The following NUTM1 variants were observed in gnomAD, a reference collection of about 807,000 sequenced individuals.
NUTM1 encodes the protein NUT family member 1.
NUTM1 carries 39 observed loss-of-function variants against 88.7 expected under a neutral mutation model. The observed-to-expected ratio is 0.44, with a 90% CI of 0.34 to 0.57. NUTM1 has a LOEUF of 0.57. Among genes scored for constraint, NUTM1 ranks in the 20% least tolerant of loss-of-function variants. The pLI is 0.01. For synonymous variants in NUTM1, 494 were observed against 538.0 expected (o/e 0.92, Z 1.13); for missense variants, 1,350 against 1,414.5 (o/e 0.95, Z 0.73).
chr15:34,356,416 C>T lies in NUTM1; in HGVS notation c.2408C>T (p.Thr803Ile), dbSNP rs1173064377. The T allele has an allele frequency of 6.2e-7, 1 of 1,610,964 alleles. No homozygotes were observed. Among genetic ancestry groups the T allele is most frequent in the East Asian group, 2.2e-5 (1 of 44,800 alleles). Reference protein sequence around the residue: ...RGNISLGPGETLVPGDTESSV... With the variant: ...RGNISLGPGEILVPGDTESSV... Reference sequence around the variant, plus strand: ...AACATTTCCCTGGGTCCTGGAGAAACCCTAGTACCTGGGGATACGGAGAGC... The same window carrying T: ...AACATTTCCCTGGGTCCTGGAGAAATCCTAGTACCTGGGGATACGGAGAGC... The change falls in exon 8 of 8, where the codon ACC becomes ATC. Residue 803 changes from threonine (T) to isoleucine (I), a missense_variant. Transcript: ENST00000537011.
chr15:34,355,942 C>T lies in NUTM1; in HGVS notation c.1934C>T (p.Ser645Leu), dbSNP rs540031927. ...PGHCLVADRT[S>L]EALPLCWQGG... ...CACTGCCTGGTGGCTGATAGGACTT[C>T]AGAGGCTCTGCCCCTTTGTTGGCAG... is the stretch of plus-strand genomic sequence containing the variant. The change falls in exon 8 of 8, where the codon TCA (serine) becomes TTA (leucine). Residue 645 changes from serine (S) to leucine (L), a missense_variant. Transcript: ENST00000537011. The surrounding 1 kb of genome is among the most constrained non-coding windows in gnomAD (Gnocchi z 4.3). 19 of 1,614,130 alleles carry T rather than the reference C, an allele frequency of 1.2e-5. No homozygotes were observed. The East Asian group carries it at 4.2e-4, about 36-fold the overall frequency.
rs1890775336 is a variant in NUTM1, at chr15:34,355,009, T to A, written c.1363-12T>A. Reference sequence around the variant, plus strand: ...CTTACAGACTTACATCGCTTTTCCTTCTGTTATCCAGGTGGAGGCTGTCAT... The same window carrying A: ...CTTACAGACTTACATCGCTTTTCCTACTGTTATCCAGGTGGAGGCTGTCAT... On this transcript the variant is annotated splice_polypyrimidine_tract_variant and intron_variant, in intron 6 of 7. Transcript: ENST00000537011. The surrounding 1 kb of genome is among the most constrained non-coding windows in gnomAD (Gnocchi z 4.3). 6.3e-7 allele frequency: 1 copy of A among 1,593,546 alleles called. No individual in the cohort carries two copies. Among genetic ancestry groups the A allele is most frequent in the Admixed American group, 1.7e-5 (1 of 59,882 alleles).
In NUTM1 at chr15:34,348,625, C is replaced by G. The variant is rs138533937; in HGVS notation, c.757C>G (p.Arg253Gly). The change falls in exon 3 of 8, where the codon CGG becomes GGG. Residue 253 changes from arginine to glycine, a missense_variant. By Grantham distance (125) the Arg-to-Gly change is moderately radical. Coordinates refer to ENST00000537011, the MANE Select transcript of NUTM1 (RefSeq NM_001284292.2). ...GTGGCAGCGTTACAAAGCCTTGGCCCGGAGGCACCTATCCCAGAGTCCTGA... is the reference window on the plus strand; with the variant it reads ...GTGGCAGCGTTACAAAGCCTTGGCCGGGAGGCACCTATCCCAGAGTCCTGA... ...RQWQRYKALA[R>G]RHLSQSPDTE... 1.2e-6 allele frequency: 2 copies of G among 1,609,730 alleles called. No individual in the cohort carries two copies. Among genetic ancestry groups the G allele is most frequent in the South Asian group, 1.1e-5 (1 of 91,084 alleles).
In NUTM1 at chr15:34,356,466, G is replaced by A. The variant is rs776476142; in HGVS notation, c.2458G>A (p.Val820Ile). The A allele has an allele frequency of 3.7e-6, 6 of 1,612,926 alleles. No individual in the cohort carries two copies. The highest frequency in any genetic ancestry group is 2.5e-6 in the Non-Finnish European group (3 of 1,179,376). Residue 820 changes from valine (V) to isoleucine (I), a missense_variant, in exon 8 of 8, where the codon GTT (valine) becomes ATT (isoleucine). Val to Ile is a conservative substitution (Grantham distance 29). This residue lies in a region of NUTM1 where 730 missense variants were observed against 728.8 expected (regional missense o/e 1.00). Coordinates refer to ENST00000537011, the MANE Select transcript of NUTM1 (RefSeq NM_001284292.2). ...CAGTGTGATTCCCTGTGGAGGCACA[G>A]TTGCGGCAGCTGCCCTAGAAAAGAG... ...ESSVIPCGGT[V>I]AAAALEKRNY...
rs781299483 is a variant in NUTM1 at position 34,348,430 on chromosome 15, C to T, written c.562C>T (p.Pro188Ser). 18 of 1,614,164 alleles carry T rather than the reference C, an allele frequency of 1.1e-5. No individual in the cohort carries two copies. Among genetic ancestry groups the T allele is most frequent in the Non-Finnish European group, 1.5e-5 (18 of 1,179,986 alleles). The change falls in exon 3 of 8, where the codon CCT (proline) becomes TCT (serine). Residue 188 changes from proline to serine, a missense_variant. Transcript: ENST00000537011. The stretch of plus-strand genomic sequence containing the variant: ...CCAGGAGGGTCCTCCAGGCCTTCCG[C>T]CTCAGCCTCCACCACCAGTTGCTCA... ...VSQEGPPGLPPQPPPPVAQLV... is the reference protein window; with the variant it reads ...VSQEGPPGLPSQPPPPVAQLV...
rs748753641 is a variant in NUTM1 at position 34,355,688 on chromosome 15, G to A, written c.1680G>A (p.Arg560=). ...GAAAGGTTTCTTCTTCAGGAAAACG[G>A]GCAAGAGAAGTGCATGGTGGGCAGG... ...CLGKVSSSGK[R]AREVHGGQEQ... Residue 560 remains arginine, a synonymous_variant, in exon 8 of 8, where the codon CGG becomes CGA. Transcript: ENST00000537011. The surrounding 1 kb of genome is among the most constrained non-coding windows in gnomAD (Gnocchi z 4.3). 4 of 1,609,370 alleles carry A rather than the reference G, an allele frequency of 2.5e-6. No individual in the cohort carries two copies. The Admixed American group carries it at 5.1e-5, about 20-fold the overall frequency.
At chr15:34,349,705 C>G (rs1007671643) in intron 3 of NUTM1, among the ~76,000 whole-genome samples, 1 of 152,204 alleles carries the variant, frequency 6.6e-6, no homozygotes, top group Non-Finnish European at 1.5e-5. Flanking sequence ...CTTCCAGTGG[C>G]TGAACTCCTA....
At chr15:34,353,963 C>A in intron 5 of NUTM1, 91 bp downstream of exon 5, 1 of 1,377,252 alleles carries the variant, frequency 7.3e-7, no homozygotes, top group Non-Finnish European at 1.0e-6. Context: ...AGGCATAGCC[C>A]AGGCTCTGCC....
chr15:34,352,063 A>C (rs573374294), intron 4 of NUTM1, among the ~76,000 whole-genome samples: 2 of 152,194 alleles, frequency 1.3e-5, no homozygotes, highest in Non-Finnish European at 2.9e-5. Flanking sequence ...CCAGCTACTC[A>C]GGAGGCTGAG....
rs747898827 is a variant in NUTM1, at chr15:34,353,875, G to T, written c.1075+3G>T. 6.2e-7 allele frequency: 1 copy of T among 1,613,148 alleles called. No homozygotes were observed. Among genetic ancestry groups the T allele is most frequent in the Non-Finnish European group, 8.5e-7 (1 of 1,179,988 alleles). On this transcript the variant is annotated splice_donor_region_variant and intron_variant, in intron 5 of 7. Coordinates refer to ENST00000537011, the MANE Select transcript of NUTM1 (RefSeq NM_001284292.2). Reference sequence around the variant, plus strand: ...CTCTGAGGTTTGCCAGCAGCCAGGTGAGGCTACCCAATTTTGACAGGAGCC... The same window carrying T: ...CTCTGAGGTTTGCCAGCAGCCAGGTTAGGCTACCCAATTTTGACAGGAGCC...
Position 34,355,627 on chromosome 15 carries a change from C to A in NUTM1, c.1619C>A (p.Pro540His), listed in dbSNP as rs759359911. 1 of 1,612,606 alleles carries A rather than the reference C, an allele frequency of 6.2e-7. No individual in the cohort carries two copies. The highest frequency in any genetic ancestry group is 1.1e-5 in the South Asian group (1 of 90,956). ...EDGDGRLRPS[P>H]GLQGAGGAAC... ...GGGGATGGGCGGCTTCGGCCCTCAC[C>A]TGGGCTTCAGGGGGCTGGGGGCGCC... The change falls in exon 8 of 8, where the codon CCT (proline) becomes CAT (histidine). Residue 540 changes from proline to histidine, a missense_variant. Transcript: ENST00000537011. The surrounding 1 kb of genome is among the most constrained non-coding windows in gnomAD (Gnocchi z 4.3).
At position 34,355,909 on chromosome 15, in the gene NUTM1, C is replaced by T; in HGVS notation, c.1901C>T (p.Pro634Leu). 1.2e-6 allele frequency: 2 copies of T among 1,613,952 alleles called. No homozygotes were observed. Among genetic ancestry groups the T allele is most frequent in the East Asian group, 2.2e-5 (1 of 44,870 alleles). Residue 634 changes from proline to leucine, a missense_variant, in exon 8 of 8, where the codon CCT becomes CTT. Transcript: ENST00000537011. The surrounding 1 kb of genome is among the most constrained non-coding windows in gnomAD (Gnocchi z 4.3). ...GATGGCCATCTAGGAGGCGCTGGGC[C>T]TCCTGGGCACTGCCTGGTGGCTGAT... Reference protein sequence around the residue: ...HQDGHLGGAGPPGHCLVADRT... With the variant: ...HQDGHLGGAGLPGHCLVADRT...
chr15:34,348,526 G>T lies in NUTM1; in HGVS notation c.658G>T (p.Val220Leu). 1 of 1,614,152 alleles carries T rather than the reference G, an allele frequency of 6.2e-7. No homozygotes were observed. The highest frequency in any genetic ancestry group is 8.5e-7 in the Non-Finnish European group (1 of 1,180,020). Residue 220 changes from valine to leucine, a missense_variant, in exon 3 of 8, where the codon GTG (valine) becomes TTG (leucine). Physicochemically the swap from Val to Leu is conservative, Grantham distance 32 (BLOSUM62 1). Transcript: ENST00000537011. ...TGGGACAACCGGGGAAGGAGGTCCT[G>T]TGGCCACTCTATCCAAGCCTTCCCT... Reference protein sequence around the residue: ...PHGTTGEGGPVATLSKPSLGD... With the variant: ...PHGTTGEGGPLATLSKPSLGD...
In NUTM1 at chr15:34,356,583, C is replaced by T. The variant is rs1294710927; in HGVS notation, c.2575C>T (p.His859Tyr). The T allele has an allele frequency of 1.2e-6, 2 of 1,614,014 alleles. No individual in the cohort carries two copies. Among genetic ancestry groups the T allele is most frequent in the Non-Finnish European group, 1.7e-6 (2 of 1,179,990 alleles). ...NQEQSCETVG[H>Y]PSDLWAEGCF... The stretch of plus-strand genomic sequence containing the variant: ...AGAACAGAGCTGTGAAACCGTAGGG[C>T]ATCCCAGTGATCTGTGGGCAGAAGG... Residue 859 changes from histidine to tyrosine, a missense_variant, in exon 8 of 8, where the codon CAT (histidine) becomes TAT (tyrosine). Around this residue, in one of 5 missense-constraint regions of NUTM1, gnomAD observed 730 missense variants for 728.8 expected, o/e 1.00. Transcript: ENST00000537011.
intron 1 of NUTM1, among the ~76,000 whole-genome samples, chr15:34,344,502 CAAAAAA>C (rs780145688): frequency 2.3e-4 from 20 of 85,740 alleles, no homozygotes; most frequent in Non-Finnish European, 2.6e-4. Flanking sequence ...GATCCTGTCT[CAAAAAA>C]AAAAAAAAAA....
At chr15:34,350,944 C>T (rs553331160) in intron 4 of NUTM1, 112 bp downstream of exon 4, 56 of 1,370,530 alleles carry the variant, frequency 4.1e-5, no homozygotes, top group African/African-American at 2.6e-4. Context: ...TAGGATGGGG[C>T]GCAGCGGCTC....
At position 34,355,713 on chromosome 15, in the gene NUTM1, G is replaced by A. The variant is rs1890791223; in HGVS notation, c.1705G>A (p.Glu569Lys). 4 of 1,611,760 alleles carry A rather than the reference G, an allele frequency of 2.5e-6. No homozygotes were observed. The highest frequency in any genetic ancestry group is 2.7e-5 in the African/African-American group (2 of 74,844). Reference protein sequence around the residue: ...KRAREVHGGQEQALDSPRGMH... With the variant: ...KRAREVHGGQKQALDSPRGMH... The stretch of plus-strand genomic sequence containing the variant: ...GGCAAGAGAAGTGCATGGTGGGCAG[G>A]AGCAAGCCCTAGATAGCCCCAGAGG... The change falls in exon 8 of 8, where the codon GAG becomes AAG. Residue 569 changes from glutamate (E) to lysine (K), a missense_variant. This residue lies in a region of NUTM1 where 730 missense variants were observed against 728.8 expected (regional missense o/e 1.00). Transcript: ENST00000537011. This position sits in a 1 kb window ranked among gnomAD's most constrained non-coding sequence, Gnocchi z 4.3.
At position 34,355,345 on chromosome 15, in the gene NUTM1, G is replaced by C; in HGVS notation, c.1480-143G>C. On this transcript the variant is annotated intron_variant, in intron 7 of 7. Coordinates refer to ENST00000537011, the MANE Select transcript of NUTM1 (RefSeq NM_001284292.2). This position sits in a 1 kb window ranked among gnomAD's most constrained non-coding sequence, Gnocchi z 4.3. ...GAATAAGGCACAAGAAGGTGGGAAA[G>C]AGCTGCAGTATCTGTCTTTGCTACC... The C allele has an allele frequency of 1.3e-6, 1 of 786,936 alleles. No homozygotes were observed. The highest frequency in any genetic ancestry group is 2.1e-6 in the Non-Finnish European group (1 of 484,826). 48.7% of individuals were successfully genotyped at this position (786,936 alleles called of 1,614,324 possible).
Position 34,355,992 on chromosome 15 carries a change from C to A in NUTM1, c.1984C>A (p.Pro662Thr). 6.2e-7 allele frequency: 1 copy of A among 1,614,148 alleles called. No individual in the cohort carries two copies. The highest frequency in any genetic ancestry group is 8.5e-7 in the Non-Finnish European group (1 of 1,180,024). The part of the protein sequence containing the change: ...WQGGFQPEST[P>T]SLDAGLAELA... The stretch of plus-strand genomic sequence containing the variant: ...GGGAGGCTTCCAGCCTGAGAGCACT[C>A]CCAGTTTGGATGCTGGACTTGCAGA... Residue 662 changes from proline to threonine, a missense_variant, in exon 8 of 8, where the codon CCC becomes ACC. This residue lies in a region of NUTM1 where 730 missense variants were observed against 728.8 expected (regional missense o/e 1.00). Transcript: ENST00000537011. This position sits in a 1 kb window ranked among gnomAD's most constrained non-coding sequence, Gnocchi z 4.3.
Sources: allele counts gnomAD v4.1 joint callset (sites outside exome capture counted in the v4.1 genomes callset), GRCh38; gene constraint gnomAD v4.1.1; regional missense constraint gnomAD v4.1.1; non-coding constraint Gnocchi (gnomAD v3.1); transcripts MANE v1.5; gene names NCBI Gene and HGNC (gene_info 2026-07-23, HGNC 2026-07-21).